Variants in LEKR1 observed in about 807,000 individuals in gnomAD.
LEKR1 encodes leucine, glutamate and lysine rich 1.
Under a neutral mutation model 72.4 loss-of-function variants are expected in LEKR1, and 59 were observed. That is an observed-to-expected ratio of 0.82 (90% CI 0.66 to 1.01). The LOEUF is 1.01. Among genes scored for constraint, LEKR1 ranks in the 50% least tolerant of loss-of-function variants. The probability of loss-of-function intolerance (pLI) is 0.00; values close to 1 mark genes in which losing one functional copy is unlikely to be tolerated. For missense variants in LEKR1, 728 were observed against 759.2 expected (o/e 0.96, Z 0.48); for synonymous variants, 257 against 263.2 (o/e 0.98, Z 0.23).
At chr3:156,891,173 C>T (rs1239259143) in intron 3 of LEKR1, among the ~76,000 whole-genome samples, 1 of 151,994 alleles carries the variant, frequency 6.6e-6, no homozygotes, top group East Asian at 1.9e-4. Flanking sequence ...TGCAGAGCTG[C>T]CATGCTTCTT....
chr3:156,842,602 A>G (rs1714075089), intron 2 of LEKR1, among the ~76,000 whole-genome samples: 9 of 152,212 alleles, frequency 5.9e-5, no homozygotes. Flanking sequence ...TTAATGCCAA[A>G]ATGAGCAGTA....
At chr3:156,895,670 A>G (rs1358247486) in intron 3 of LEKR1, among the ~76,000 whole-genome samples, 1 of 152,180 alleles carries the variant, frequency 6.6e-6, no homozygotes, top group Non-Finnish European at 1.5e-5. Flanking sequence ...ATACCATCTC[A>G]TGCCAGTCAG....
At chr3:157,029,513 T>C (rs534648165) in intron 12 of LEKR1, among the ~76,000 whole-genome samples, 1 of 152,336 alleles carries the variant, frequency 6.6e-6, no homozygotes, top group East Asian at 1.9e-4. Context: ...CAGTTCTTAT[T>C]ATTCTGCTTC....
In LEKR1 at chr3:157,000,830, C is replaced by T. The variant is rs559757875; in HGVS notation, c.1109+7553C>T. On this transcript the variant is annotated intron_variant, in intron 9 of 12. Transcript: ENST00000356539. ...CCAAATCTCATCTTGAATTGTAATT[C>T]CCATAATCTCCAGGTGTCAAGGGAG... Among the ~76,000 whole-genome samples, 13 of 152,194 alleles carry T rather than the reference C, an allele frequency of 8.5e-5. No individual in the cohort carries two copies. In the South Asian group the frequency reaches 2.7e-3, roughly 32 times the overall value.
chr3:156,889,165 T>C (rs1720402106), intron 3 of LEKR1, among the ~76,000 whole-genome samples: 1 of 152,202 alleles, frequency 6.6e-6, no homozygotes, highest in Admixed American at 6.5e-5. Context: ...CATTTTACTC[T>C]GTAATATTTG....
At chr3:156,917,856 T>C (rs773547826) in intron 3 of LEKR1, among the ~76,000 whole-genome samples, 2 of 152,068 alleles carry the variant, frequency 1.3e-5, no homozygotes, top group Non-Finnish European at 2.9e-5. Context: ...GGAAGTCTTA[T>C]GATGACAGCT....
chr3:156,964,622 T>C (rs62275830), intron 6 of LEKR1, among the ~76,000 whole-genome samples: 4,821 of 152,220 alleles, frequency 0.032, 115 homozygotes, highest in Non-Finnish European at 0.047. Context: ...AGAAAACTCC[T>C]TGTCTTTTGC....
intron 6 of LEKR1, among the ~76,000 whole-genome samples, chr3:156,955,758 G>A (rs138116862): frequency 8.6e-5 from 13 of 152,046 alleles, no homozygotes; most frequent in African/African-American, 3.1e-4. Context: ...AATATTTAAT[G>A]AGGATTTTTG....
At chr3:157,005,457 A>G (rs1732348653) in intron 9 of LEKR1, among the ~76,000 whole-genome samples, 1 of 152,170 alleles carries the variant, frequency 6.6e-6, no homozygotes, top group Non-Finnish European at 1.5e-5. Context: ...TAATTTATGA[A>G]GCCAGTATTA....
In LEKR1 at chr3:157,045,840, A is replaced by AAAAG; in HGVS notation, c.*92_*93insAGAA. ...ACTGTAACTGAGAATGACAATGATAAAATTATTTTCACAGATCAGGAAGGC... is the reference window on the plus strand; with the variant it reads ...ACTGTAACTGAGAATGACAATGATAAAAAGAATTATTTTCACAGATCAGGAAGGC... On this transcript the variant is annotated 3_prime_UTR_variant, in exon 13 of 13. Coordinates refer to ENST00000356539, the MANE Select transcript of LEKR1 (RefSeq NM_001004316.3). 8.3e-7 allele frequency: 1 copy of AAAAG among 1,197,696 alleles called. No individual in the cohort carries two copies. The highest frequency in any genetic ancestry group is 2.4e-5 in the East Asian group (1 of 42,096). The allele number at this position is 1,197,696 out of a possible 1,614,324, so 74.2% of individuals were successfully genotyped here. A position where few individuals can be genotyped will look rare whatever the true frequency, so the allele number is the denominator to read the frequency against.
At position 156,926,810 on chromosome 3, in the gene LEKR1, A is replaced by AAAT. The variant is rs200873329; in HGVS notation, c.384-615_384-613dup. Among the ~76,000 whole-genome samples the AAAT allele has an allele frequency of 3.9e-3, 593 of 152,036 alleles. 2 individuals carry two copies. The highest frequency in any genetic ancestry group is 5.4e-3 in the Non-Finnish European group (368 of 67,820). On this transcript the variant is annotated intron_variant, in intron 4 of 12. Coordinates refer to ENST00000356539, the MANE Select transcript of LEKR1 (RefSeq NM_001004316.3). ...CTACTCAGGGATGTAAATATTGACA[A>AAAT]AATAATTATACTCTCATGGCTTCAG...
chr3:156,967,557 A>T (rs1037719711), intron 6 of LEKR1, among the ~76,000 whole-genome samples: 10 of 152,142 alleles, frequency 6.6e-5, no homozygotes, highest in African/African-American at 2.2e-4. Flanking sequence ...AAATGAAGCA[A>T]GAAGAGAAGT....
chr3:156,886,099 T>G (rs1015191576), intron 3 of LEKR1, among the ~76,000 whole-genome samples: 1 of 152,144 alleles, frequency 6.6e-6, no homozygotes, highest in African/African-American at 2.4e-5. Context: ...TAGGCAGGTC[T>G]GGGTTCAGAC....
At chr3:156,907,265 T>C (rs1722617608) in intron 3 of LEKR1, among the ~76,000 whole-genome samples, 1 of 152,102 alleles carries the variant, frequency 6.6e-6, no homozygotes, top group Admixed American at 6.5e-5. Context: ...TTCTAAAGTT[T>C]TAAAGACATA....
chr3:157,046,116 A>T lies in LEKR1; in HGVS notation c.*366A>T. The T allele has an allele frequency of 5.4e-6, 1 of 184,086 alleles. No homozygotes were observed. Among genetic ancestry groups the T allele is most frequent in the East Asian group, 1.4e-4 (1 of 7,318 alleles). The allele number at this position is 184,086 out of a possible 1,614,324, so 11.4% of individuals were successfully genotyped here. On this transcript the variant is annotated 3_prime_UTR_variant, in exon 13 of 13. Transcript: ENST00000356539. Reference sequence around the variant, plus strand: ...CAGATATATTTCCACAAAAAAATAGATTGTTTGAGATTTGTTGGTATGTGT... The same window carrying T: ...CAGATATATTTCCACAAAAAAATAGTTTGTTTGAGATTTGTTGGTATGTGT...
At chr3:156,909,384 G>A (rs1273335610) in intron 3 of LEKR1, among the ~76,000 whole-genome samples, 1 of 151,946 alleles carries the variant, frequency 6.6e-6, no homozygotes, top group Non-Finnish European at 1.5e-5. Context: ...ATTGCTGGTG[G>A]GTCATGCCTG....
In LEKR1 at chr3:156,979,277, TA is replaced by T; in HGVS notation, c.827+4del. 1 of 1,263,546 alleles carries T rather than the reference TA, an allele frequency of 7.9e-7. No individual in the cohort carries two copies. Among genetic ancestry groups the T allele is most frequent in the Non-Finnish European group, 1.0e-6 (1 of 965,022 alleles). 78.3% of individuals were successfully genotyped at this position (1,263,546 alleles called of 1,614,324 possible). On this transcript the variant is annotated splice_donor_region_variant and intron_variant, in intron 7 of 12. Transcript: ENST00000356539. ...GGACAACTATAAAGAAATGCTTATG[TA>T]AGATGGAGAATATTAAACAACTTAT...
At chr3:157,027,204 G>A (rs768267728) in intron 11 of LEKR1, among the ~76,000 whole-genome samples, 17 of 150,888 alleles carry the variant, frequency 1.1e-4, no homozygotes, top group South Asian at 2.1e-4. Context: ...AAATTTGAGA[G>A]TCAGTTGTTA....
At chr3:156,925,090 G>GAT (rs953020069) in intron 4 of LEKR1, 1 of 151,986 alleles carries the variant, frequency 6.6e-6, no homozygotes, top group African/African-American at 2.4e-5. Context: ...TTTCCATGGA[G>GAT]ATCTTTAGCC....
Sources: gnomAD v4.1 joint callset for allele counts (sites outside exome capture counted in the v4.1 genomes callset) on GRCh38, gnomAD v4.1.1 for gene constraint, MANE v1.5 for transcripts, NCBI Gene and HGNC (gene_info 2026-07-23, HGNC 2026-07-21) for gene names.